Variants in BRD10 observed in about 807,000 individuals in gnomAD.
BRD10 encodes the protein bromodomain containing 10.
the BRD10 span, among the ~76,000 whole-genome samples, chr9:5,973,928 A>T: frequency 6.6e-6 from 1 of 152,180 alleles, no homozygotes; most frequent in Non-Finnish European, 1.5e-5. Context: ...AACAAATTGT[A>T]GCTTCAGAAA....
chr9:6,006,647 G>GA, the BRD10 span, among the ~76,000 whole-genome samples: 2 of 152,182 alleles, frequency 1.3e-5, no homozygotes, highest in African/African-American at 4.8e-5. Context: ...GTCCTCAGAT[G>GA]AAACGGAGAG....
the BRD10 span, among the ~76,000 whole-genome samples, chr9:5,976,774 C>CAA: frequency 4.4e-5 from 5 of 114,012 alleles, no homozygotes; most frequent in South Asian, 5.4e-4. Context: ...GAAAGGACAG[C>CAA]AAAAAAAAAA....
chr9:5,969,132 T>G, the BRD10 span: 328 of 1,613,790 alleles, frequency 2.0e-4, no homozygotes, highest in Non-Finnish European at 2.6e-4. Context: ...TCCCAGGTCC[T>G]ATAAGGCAAA....
At chr9:5,925,904 A>G in the BRD10 span, among the ~76,000 whole-genome samples, 6 of 152,246 alleles carry the variant, frequency 3.9e-5, no homozygotes, top group East Asian at 7.7e-4. Context: ...AAACATGAAC[A>G]TATGTTCTCC....
At chr9:5,917,048 C>T in the BRD10 span, among the ~76,000 whole-genome samples, 1 of 152,056 alleles carries the variant, frequency 6.6e-6, no homozygotes, top group African/African-American at 2.4e-5. Flanking sequence ...GTAAACTAGA[C>T]CTTAAATAAG....
chr9:5,959,524 T>A, the BRD10 span, among the ~76,000 whole-genome samples: 1 of 152,134 alleles, frequency 6.6e-6, no homozygotes, highest in Non-Finnish European at 1.5e-5. Flanking sequence ...GAGTACTCGG[T>A]TTTTTAGACA....
chr9:5,996,510 G>T, the BRD10 span, among the ~76,000 whole-genome samples: 1 of 152,032 alleles, frequency 6.6e-6, no homozygotes, highest in South Asian at 2.1e-4. Flanking sequence ...GTAGAGTTGG[G>T]ATTTCACAGG....
the BRD10 span, chr9:5,923,337 T>C: frequency 6.5e-7 from 1 of 1,530,746 alleles, no homozygotes. Context: ...GGGCATTTTG[T>C]TTATATAAAA....
the BRD10 span, chr9:5,910,338 A>G: frequency 6.6e-6 from 1 of 152,252 alleles, no homozygotes; most frequent in African/African-American, 2.4e-5. Context: ...AACACAGGAT[A>G]AAGAGATGTA....
the BRD10 span, among the ~76,000 whole-genome samples, chr9:5,983,709 GA>G: frequency 1.3e-5 from 2 of 152,128 alleles, no homozygotes; most frequent in Middle Eastern, 3.4e-3. Context: ...GAAGCGAAAT[GA>G]ACCTCAAGCA....
the BRD10 span, chr9:5,953,933 G>C: frequency 7.7e-6 from 6 of 777,216 alleles, no homozygotes; most frequent in Non-Finnish European, 1.1e-5. Context: ...ACAGTTTCTT[G>C]GAATTCAGCC....
At chr9:5,922,700 A>AT in the BRD10 span, 2 of 1,613,858 alleles carry the variant, frequency 1.2e-6, no homozygotes, top group South Asian at 1.1e-5. Flanking sequence ...TTGCTGCATG[A>AT]TTTTTTCTCC....
At chr9:5,919,979 A>G in the BRD10 span, 1 of 1,614,026 alleles carries the variant, frequency 6.2e-7, no homozygotes, top group Non-Finnish European at 8.5e-7. Context: ...AGACTTAATT[A>G]CTGAAGTCAG....
At chr9:5,969,060 C>G in the BRD10 span, 3 of 1,613,002 alleles carry the variant, frequency 1.9e-6, no homozygotes, top group Non-Finnish European at 2.5e-6. Context: ...GCACAGTTAT[C>G]AGGATTTTCA....
chr9:5,928,972 C>A, the BRD10 span: 50 of 777,350 alleles, frequency 6.4e-5, no homozygotes, highest in East Asian at 1.2e-3. Context: ...CTAAATGATT[C>A]CAGGACATCA....
chr9:5,968,487 T>G, the BRD10 span: 3 of 1,610,874 alleles, frequency 1.9e-6, no homozygotes, highest in South Asian at 3.3e-5. Flanking sequence ...CAACAATCAG[T>G]TTTTTTAATT....
At chr9:6,008,141 G>A in the BRD10 span, 3 of 983,274 alleles carry the variant, frequency 3.1e-6, no homozygotes, top group Non-Finnish European at 3.6e-6. Flanking sequence ...CGCGGCCTCG[G>A]CGCCCCACCC....
chr9:5,927,026 T>C, the BRD10 span, among the ~76,000 whole-genome samples: 1 of 152,182 alleles, frequency 6.6e-6, no homozygotes, highest in African/African-American at 2.4e-5. Context: ...CTGTGAAAGG[T>C]ATTAGAATGG....
the BRD10 span, among the ~76,000 whole-genome samples, chr9:5,962,026 G>A: frequency 2.3e-4 from 35 of 152,068 alleles, no homozygotes; most frequent in Non-Finnish European, 4.1e-4. Context: ...GCTAGCTTTT[G>A]AATATGTTTG....
Sources: gnomAD v4.1 joint callset for allele counts (sites outside exome capture counted in the v4.1 genomes callset) on GRCh38, gnomAD v4.1.1 for gene constraint, MANE v1.5 for transcripts, NCBI Gene and HGNC (gene_info 2026-07-23, HGNC 2026-07-21) for gene names.